IGF2BP2: variants seen among roughly 807,000 people sequenced by gnomAD.
IGF2BP2 encodes insulin-like growth factor 2 mRNA-binding protein 2.
Under a neutral mutation model 75.8 loss-of-function variants are expected in IGF2BP2, and 17 were observed. That is an observed-to-expected ratio of 0.22 (90% CI 0.15 to 0.34). The LOEUF (loss-of-function observed/expected upper bound fraction) is 0.34. Ranked by LOEUF, IGF2BP2 falls within the 10% of genes least tolerant of loss-of-function variation. The pLI is 1.00. For synonymous variants in IGF2BP2, 288 were observed against 295.6 expected (o/e 0.97, Z 0.26); for missense variants, 516 against 772.4 (o/e 0.67, Z 3.93).
chr3:185,695,826 T>C (rs1263208582), intron 4 of IGF2BP2, among the ~76,000 whole-genome samples: 1 of 152,230 alleles, frequency 6.6e-6, no homozygotes, highest in African/African-American at 2.4e-5. Flanking sequence ...AGTCTCACTC[T>C]GTCACCCAGG....
At chr3:185,718,769 T>C (rs773560514) in intron 2 of IGF2BP2, among the ~76,000 whole-genome samples, 6 of 143,182 alleles carry the variant, frequency 4.2e-5, no homozygotes, top group African/African-American at 1.6e-4. Flanking sequence ...GAGTGGAAAA[T>C]GGAAGCAGGG....
At chr3:185,818,288 GA>G (rs1215176995) in intron 2 of IGF2BP2, among the ~76,000 whole-genome samples, 1 of 152,164 alleles carries the variant, frequency 6.6e-6, no homozygotes, top group Non-Finnish European at 1.5e-5. Context: ...ATAGCCAAGT[GA>G]AAAGGAAGGA....
At chr3:185,820,477 G>C (rs920786473) in intron 2 of IGF2BP2, among the ~76,000 whole-genome samples, 1 of 151,986 alleles carries the variant, frequency 6.6e-6, no homozygotes. Flanking sequence ...CTTACAAAGA[G>C]AAATAAATGC....
At chr3:185,701,567 C>A (rs530362089) in intron 2 of IGF2BP2, among the ~76,000 whole-genome samples, 1 of 152,126 alleles carries the variant, frequency 6.6e-6, no homozygotes, top group Non-Finnish European at 1.5e-5. Context: ...AGGAAAACTC[C>A]GCCCAATGCT....
intron 2 of IGF2BP2, among the ~76,000 whole-genome samples, chr3:185,768,803 G>A (rs529790453): frequency 7.3e-4 from 111 of 152,300 alleles, no homozygotes; most frequent in African/African-American, 2.5e-3. Flanking sequence ...AGGCTGAGGC[G>A]GGTGGATCAC....
Position 185,645,229 on chromosome 3 carries a change from C to T in IGF2BP2, c.*302G>A, listed in dbSNP as rs767002795. 1 of 431,842 alleles carries T rather than the reference C, an allele frequency of 2.3e-6. No individual in the cohort carries two copies. The highest frequency in any genetic ancestry group is 4.2e-6 in the Non-Finnish European group (1 of 236,902). 26.8% of individuals were successfully genotyped at this position (431,842 alleles called of 1,614,324 possible). ...ATGTTAGTTCAACTAAAAGGGATAG[C>T]GTCGTGGGAGTTCAGGAGAGATCCG... is the stretch of plus-strand genomic sequence containing the variant. On this transcript the variant is annotated 3_prime_UTR_variant, in exon 16 of 16. Transcript: ENST00000382199. This position sits in a 1 kb window ranked among gnomAD's most constrained non-coding sequence, Gnocchi z 4.9.
chr3:185,739,798 C>T (rs2149558166), intron 2 of IGF2BP2, among the ~76,000 whole-genome samples: 1 of 152,292 alleles, frequency 6.6e-6, no homozygotes, highest in East Asian at 1.9e-4. Context: ...TTATCTCCAT[C>T]TTTATTAAAA....
At chr3:185,744,172 C>G (rs957567318) in intron 2 of IGF2BP2, among the ~76,000 whole-genome samples, 3 of 152,134 alleles carry the variant, frequency 2.0e-5, no homozygotes, top group Non-Finnish European at 4.4e-5. Flanking sequence ...AAAGCACTTT[C>G]CTATACAGTC....
At chr3:185,738,405 GAA>G (rs1293748799) in intron 2 of IGF2BP2, among the ~76,000 whole-genome samples, 1 of 152,170 alleles carries the variant, frequency 6.6e-6, no homozygotes, top group African/African-American at 2.4e-5. Flanking sequence ...TTGAGAACAT[GAA>G]AAGTATAAAA....
chr3:185,701,989 G>A (rs1723371580), intron 2 of IGF2BP2, among the ~76,000 whole-genome samples: 1 of 152,070 alleles, frequency 6.6e-6, no homozygotes, highest in Non-Finnish European at 1.5e-5. Context: ...ACTCTGGCAT[G>A]TCCTTCAAAA....
chr3:185,711,789 A>G (rs922954625), intron 2 of IGF2BP2, among the ~76,000 whole-genome samples: 1 of 152,130 alleles, frequency 6.6e-6, no homozygotes, highest in Non-Finnish European at 1.5e-5. Flanking sequence ...CCTTAGCAGC[A>G]TGATTGAGAG....
At chr3:185,717,264 C>T (rs1725787839) in intron 2 of IGF2BP2, 1 of 171,382 alleles carries the variant, frequency 5.8e-6, no homozygotes, top group Non-Finnish European at 1.3e-5. Flanking sequence ...CACCCAGATA[C>T]GTGACTCTGG....
chr3:185,730,814 G>A (rs1257943307), intron 2 of IGF2BP2, among the ~76,000 whole-genome samples: 1 of 152,040 alleles, frequency 6.6e-6, no homozygotes, highest in Non-Finnish European at 1.5e-5. Flanking sequence ...TTTCCATAGA[G>A]GTTGTACTAA....
At chr3:185,708,983 A>G (rs7634445) in intron 2 of IGF2BP2, among the ~76,000 whole-genome samples, 66,783 of 152,066 alleles carry the variant, frequency 0.44, 14,873 homozygotes, top group South Asian at 0.51. Flanking sequence ...TCCGGTTAAC[A>G]AAACCAAATT....
chr3:185,757,894 C>G (rs1451877027), intron 2 of IGF2BP2, among the ~76,000 whole-genome samples: 3 of 151,980 alleles, frequency 2.0e-5, no homozygotes, highest in Non-Finnish European at 4.4e-5. Context: ...TATCCACACA[C>G]ATACCTCTGA....
chr3:185,760,102 T>C (rs1402352774), intron 2 of IGF2BP2, among the ~76,000 whole-genome samples: 1 of 152,212 alleles, frequency 6.6e-6, no homozygotes, highest in African/African-American at 2.4e-5. Flanking sequence ...CTAGCAAATA[T>C]GTCCTTACAA....
chr3:185,775,035 A>G (rs1367613834), intron 2 of IGF2BP2, among the ~76,000 whole-genome samples: 3 of 152,108 alleles, frequency 2.0e-5, no homozygotes, highest in African/African-American at 7.2e-5. Flanking sequence ...AAAAAAAAAA[A>G]AAGAGGGAGC....
chr3:185,769,830 CAAAAAAAA>C (rs35418660), intron 2 of IGF2BP2, among the ~76,000 whole-genome samples: 3,059 of 77,282 alleles, frequency 0.04, 131 homozygotes, highest in South Asian at 0.27. Flanking sequence ...ACCCTGTCTC[CAAAAAAAA>C]AAAAAAAAAA....
intron 2 of IGF2BP2, among the ~76,000 whole-genome samples, chr3:185,735,863 T>A (rs575691663): frequency 6.6e-6 from 1 of 152,170 alleles, no homozygotes; most frequent in Non-Finnish European, 1.5e-5. Context: ...ATTAAGTTTG[T>A]TGAATGAGTG....
Sources: gnomAD v4.1 joint callset for allele counts (sites outside exome capture counted in the v4.1 genomes callset) on GRCh38, gnomAD v4.1.1 for gene constraint, Gnocchi (gnomAD v3.1) non-coding constraint, MANE v1.5 for transcripts, NCBI Gene and HGNC (gene_info 2026-07-23, HGNC 2026-07-21) for gene names.